Variants in COL5A2 observed in about 807,000 individuals in gnomAD.
COL5A2 encodes the protein collagen alpha-2(V) chain.
COL5A2 carries 23 observed loss-of-function variants against 208.2 expected under a neutral mutation model. The observed-to-expected ratio is 0.11, with a 90% CI of 0.08 to 0.16. COL5A2 has a LOEUF of 0.16. COL5A2 is among the 10% of genes least tolerant of loss of function. The probability of loss-of-function intolerance (pLI) is 1.00; values close to 1 mark genes in which losing one functional copy is unlikely to be tolerated. For synonymous variants in COL5A2, 625 were observed against 628.5 expected (o/e 0.99, Z 0.08); for missense variants, 1,590 against 1,956.4 (o/e 0.81, Z 3.53).
intron 1 of COL5A2, among the ~76,000 whole-genome samples, chr2:189,224,563 C>T (rs1228681134): frequency 6.6e-6 from 1 of 151,948 alleles, no homozygotes; most frequent in Non-Finnish European, 1.5e-5. Flanking sequence ...GTGGCACACG[C>T]CTATAGTCAC....
chr2:189,246,954 C>T, the COL5A2 span, among the ~76,000 whole-genome samples: 1 of 152,204 alleles, frequency 6.6e-6, no homozygotes, highest in East Asian at 1.9e-4. Context: ...TGCTTCTACC[C>T]AAAGTTAATG....
the COL5A2 span, among the ~76,000 whole-genome samples, chr2:189,278,080 CA>C: frequency 1.3e-5 from 2 of 152,066 alleles, no homozygotes; most frequent in Non-Finnish European, 2.9e-5. Flanking sequence ...CTTGGAGATG[CA>C]CTGCTAAGTC....
the COL5A2 span, among the ~76,000 whole-genome samples, chr2:189,279,532 A>C: frequency 6.6e-6 from 1 of 150,880 alleles, no homozygotes; most frequent in African/African-American, 2.4e-5. Context: ...ATTTTTGTAA[A>C]AAAAAAAAAA....
chr2:189,092,883 T>C lies in COL5A2; in HGVS notation c.457-463A>G, dbSNP rs181566306. 1.4e-4 allele frequency among the ~76,000 whole-genome samples: 22 copies of C among 152,258 alleles called. No homozygotes were observed. In the East Asian group the frequency reaches 4.0e-3, roughly 28 times the overall value. On this transcript the variant is annotated intron_variant, in intron 6 of 53. Coordinates refer to ENST00000374866, the MANE Select transcript of COL5A2 (RefSeq NM_000393.5). ...CCCCCAAAATTCAAGAATCCCTTGA[T>C]TGGAGTTTGTAGAGATTTTCTGTCT...
chr2:189,339,246 G>A, the COL5A2 span, among the ~76,000 whole-genome samples: 1 of 151,868 alleles, frequency 6.6e-6, no homozygotes, highest in Admixed American at 6.6e-5. Flanking sequence ...AGCTACTCAG[G>A]AGGCTGAGGC....
chr2:189,135,739 T>C (rs1217095140), intron 1 of COL5A2, among the ~76,000 whole-genome samples: 2 of 152,228 alleles, frequency 1.3e-5, no homozygotes, highest in Non-Finnish European at 2.9e-5. Flanking sequence ...GTAGTAGCTA[T>C]AATAGTGGTA....
intron 1 of COL5A2, among the ~76,000 whole-genome samples, chr2:189,200,811 C>T (rs148398128): frequency 0.016 from 2,415 of 151,778 alleles, 76 homozygotes; most frequent in African/African-American, 0.053. Flanking sequence ...ATCAATGGAA[C>T]ACCACCTTTG....
At position 189,051,366 on chromosome 2, in the gene COL5A2, G is replaced by A. The variant is rs1685782846; in HGVS notation, c.2885C>T (p.Pro962Leu). The A allele has an allele frequency of 6.2e-7, 1 of 1,613,760 alleles. No individual in the cohort carries two copies. The highest frequency in any genetic ancestry group is 8.5e-7 in the Non-Finnish European group (1 of 1,179,862). Residue 962 changes from proline to leucine, a missense_variant, in exon 42 of 54, where the codon CCT (proline) becomes CTT (leucine). Physicochemically the swap from Pro to Leu is moderately conservative, Grantham distance 98. Coordinates refer to ENST00000374866, the MANE Select transcript of COL5A2 (RefSeq NM_000393.5). ...GTCCCCTTTGTCTCCTGGGCCACCAGGGGGGCCAGCTGGTCCTCGATCTCC... is the reference window on the plus strand; with the variant it reads ...GTCCCCTTTGTCTCCTGGGCCACCAAGGGGGCCAGCTGGTCCTCGATCTCC... ...RVGDRGPAGP[P>L]GGPGDKGDPG...
intron 51 of COL5A2, among the ~76,000 whole-genome samples, chr2:189,037,969 T>A (rs1016705508): frequency 6.6e-6 from 1 of 152,154 alleles, no homozygotes; most frequent in African/African-American, 2.4e-5. Flanking sequence ...TGGATGAAAA[T>A]GGAACTACCA....
At chr2:189,314,113 C>G in the COL5A2 span, among the ~76,000 whole-genome samples, 6,038 of 152,198 alleles carry the variant, frequency 0.04, 140 homozygotes, top group South Asian at 0.049. Context: ...ATCTATAGAA[C>G]TCTCCACCCA....
At chr2:189,113,833 T>G (rs896337756) in intron 1 of COL5A2, among the ~76,000 whole-genome samples, 1 of 151,746 alleles carries the variant, frequency 6.6e-6, no homozygotes, top group Non-Finnish European at 1.5e-5. Context: ...TGACACGTAA[T>G]GATGTCAATT....
At chr2:189,412,019 C>T in the COL5A2 span, among the ~76,000 whole-genome samples, 1 of 152,068 alleles carries the variant, frequency 6.6e-6, no homozygotes, top group East Asian at 1.9e-4. Context: ...CTTCATGCAC[C>T]AAATGCCTTC....
chr2:189,202,601 GAA>G (rs1689092331), intron 1 of COL5A2, among the ~76,000 whole-genome samples: 2 of 152,156 alleles, frequency 1.3e-5, no homozygotes, highest in African/African-American at 4.8e-5. Flanking sequence ...GCAAAAGAAA[GAA>G]TGATAATAGT....
chr2:189,176,410 T>C (rs1688679301), intron 1 of COL5A2, among the ~76,000 whole-genome samples: 1 of 152,196 alleles, frequency 6.6e-6, no homozygotes, highest in Non-Finnish European at 1.5e-5. Context: ...CTTGTTTATA[T>C]TACCTGCCTG....
At chr2:189,116,231 T>C (rs1380826903) in intron 1 of COL5A2, among the ~76,000 whole-genome samples, 3 of 152,262 alleles carry the variant, frequency 2.0e-5, no homozygotes, top group African/African-American at 7.2e-5. Context: ...GAGGAGGTAA[T>C]AAAGCCGCCC....
intron 12 of COL5A2, 57 bp downstream of exon 12, chr2:189,083,927 T>C: frequency 1.2e-5 from 15 of 1,270,972 alleles, no homozygotes; most frequent in Non-Finnish European, 1.7e-5. Context: ...AGAATTGTGA[T>C]TTAATTCAAT....
intron 1 of COL5A2, among the ~76,000 whole-genome samples, chr2:189,118,410 C>T (rs1452427310): frequency 6.6e-6 from 1 of 151,856 alleles, no homozygotes; most frequent in Admixed American, 6.6e-5. Flanking sequence ...TGCATTTTGC[C>T]TCCTTTTTCA....
the COL5A2 span, among the ~76,000 whole-genome samples, chr2:189,278,576 A>G: frequency 1.3e-5 from 2 of 152,082 alleles, no homozygotes; most frequent in Non-Finnish European, 2.9e-5. Flanking sequence ...AGAGTCTAAC[A>G]TTAGATTTTT....
the COL5A2 span, among the ~76,000 whole-genome samples, chr2:189,354,032 A>G: frequency 1.2e-4 from 19 of 152,102 alleles, no homozygotes; most frequent in Non-Finnish European, 2.2e-4. Context: ...TTCTGCATCT[A>G]TTGAGATAGA....
Sources: gnomAD v4.1 joint callset for allele counts (sites outside exome capture counted in the v4.1 genomes callset) on GRCh38, gnomAD v4.1.1 for gene constraint, MANE v1.5 for transcripts, NCBI Gene and HGNC (gene_info 2026-07-23, HGNC 2026-07-21) for gene names.